Variants in ANKRD26 observed in about 807,000 individuals in gnomAD.
The protein encoded by ANKRD26 is ankyrin repeat domain 26.
ANKRD26 carries 141 observed loss-of-function variants against 208.7 expected under a neutral mutation model. That is an observed-to-expected ratio of 0.68 (90% CI 0.59 to 0.78). The LOEUF is 0.78. Among genes scored for constraint, ANKRD26 ranks in the 30% least tolerant of loss-of-function variants. The pLI is 0.00. For synonymous variants in ANKRD26, 636 were observed against 660.4 expected, an observed-to-expected ratio of 0.96 and a Z score of 0.57; for missense variants, 1,889 against 1,938.7, an observed-to-expected ratio of 0.97 and a Z score of 0.48.
intron 4 of ANKRD26, among the ~76,000 whole-genome samples, chr10:26,996,051 T>C (rs1478397062): frequency 6.6e-6 from 1 of 152,194 alleles, no homozygotes. Context: ...GCACTGTAGA[T>C]GCACAACTGA....
chr10:27,008,926 G>A (rs1185777700), intron 32 of ANKRD26, among the ~76,000 whole-genome samples: 1 of 152,048 alleles, frequency 6.6e-6, no homozygotes, highest in African/African-American at 2.4e-5. Context: ...TGTAACCTCT[G>A]CCTCCTGGGT....
exon 6 of ANKRD26, among the ~76,000 whole-genome samples, chr10:26,975,595 A>G (rs2052214749): frequency 6.6e-6 from 1 of 151,890 alleles, no homozygotes; most frequent in Non-Finnish European, 1.5e-5. Flanking sequence ...TAATCCCAAC[A>G]CTTCGGGAGG....
At chr10:27,022,421 TAAA>T (rs2053520033) in intron 29 of ANKRD26, 134 bp downstream of exon 29, 4 of 639,278 alleles carry the variant, frequency 6.3e-6, no homozygotes, top group Non-Finnish European at 1.0e-5. Flanking sequence ...CTTAAAAGTT[TAAA>T]AAAAGTTTTT....
At position 27,034,765 on chromosome 10, in the gene ANKRD26, T is replaced by C. The variant is rs950159414; in HGVS notation, c.3654+31A>G. 9.4e-6 allele frequency: 14 copies of C among 1,491,382 alleles called. No homozygotes were observed. The Admixed American group carries it at 1.6e-4, about 17-fold the overall frequency. The allele number at this position is 1,491,382 out of a possible 1,614,324, so 92.4% of individuals were successfully genotyped here. A position where few individuals can be genotyped will look rare whatever the true frequency, so the allele number is the denominator to read the frequency against. On this transcript the variant is annotated intron_variant, in intron 24 of 33. Transcript: ENST00000376087. ...TATTTTAAATTTTCTTTCAGGAGGT[T>C]TGAAAAATATTTATCTTTCTTGATA...
chr10:27,051,328 A>G, intron 16 of ANKRD26: 1 of 1,273,716 alleles, frequency 7.9e-7, no homozygotes, highest in Non-Finnish European at 1.0e-6. Context: ...GTACCAGCAG[A>G]AATACTATGC....
chr10:27,012,898 T>C lies in ANKRD26; in HGVS notation c.4937A>G (p.Glu1646Gly), dbSNP rs781421980. The C allele has an allele frequency of 1.2e-6, 2 of 1,613,612 alleles. No homozygotes were observed. The highest frequency in any genetic ancestry group is 1.7e-5 in the Admixed American group (1 of 59,988). ...SNPRASNNSM[E>G]NYLSKMQQEL... ...ATAACTAACCTTGCTCAAGTAGTTC[T>C]CCATGCTATTATTTGAAGCCCGTGG... Residue 1646 changes from glutamate to glycine, a missense_variant, in exon 32 of 34, where the codon GAG becomes GGG. Physicochemically the swap from Glu to Gly is moderately conservative, Grantham distance 98. Transcript: ENST00000376087.
At chr10:26,972,167 G>A (rs577104817), downstream of ANKRD26, among the ~76,000 whole-genome samples, 45 of 151,444 alleles carry the variant, frequency 3.0e-4, no homozygotes, top group Non-Finnish European at 1.9e-4. Context: ...CCCGGGAGGC[G>A]GAGCTTGCAG....
At chr10:27,086,032 G>C (rs1393397088) in intron 5 of ANKRD26, among the ~76,000 whole-genome samples, 1 of 152,006 alleles carries the variant, frequency 6.6e-6, no homozygotes, top group Non-Finnish European at 1.5e-5. Flanking sequence ...GTCAACAGTA[G>C]GCAATTAGTA....
chr10:26,979,442 T>C (rs182038183), intron 5 of ANKRD26, among the ~76,000 whole-genome samples: 154 of 152,224 alleles, frequency 1.0e-3, no homozygotes, highest in Non-Finnish European at 1.9e-3. Flanking sequence ...TGACTGACTG[T>C]TGTATTTAGG....
intron 22 of ANKRD26, 30 bp from the exon 23 acceptor site, chr10:27,037,353 A>G: frequency 6.2e-7 from 1 of 1,612,676 alleles, no homozygotes; most frequent in Non-Finnish European, 8.5e-7. Flanking sequence ...TAGGTCTATT[A>G]GCATTTTGTA....
Position 27,040,038 on chromosome 10 carries a change from A to G in ANKRD26, c.2302T>C (p.Ser768Pro), listed in dbSNP as rs2054178487. ...DKVNVLQREL[S>P]ETKEIKSQLE... is the part of the protein sequence containing the mutation. ...TGTGATTTTATTTCTTTTGTTTCAG[A>G]TAGCTCCCTTTGTAGTACATTAACC... Residue 768 changes from serine to proline, a missense_variant, in exon 21 of 34, where the codon TCT becomes CCT. By Grantham distance (74) the Ser-to-Pro change is moderately conservative. This residue lies in a region of ANKRD26 where 1,272 missense variants were observed against 1,273.8 expected (regional missense o/e 1.00). Coordinates refer to ENST00000376087, the MANE Select transcript of ANKRD26 (RefSeq NM_014915.3). The G allele has an allele frequency of 6.2e-7, 1 of 1,613,750 alleles. No individual in the cohort carries two copies. Among genetic ancestry groups the G allele is most frequent in the Admixed American group, 1.7e-5 (1 of 60,012 alleles).
At chr10:27,032,999 C>CG (rs2053925732) in intron 25 of ANKRD26, among the ~76,000 whole-genome samples, 1 of 150,394 alleles carries the variant, frequency 6.6e-6, no homozygotes, top group South Asian at 2.1e-4. Context: ...GGAGTGAGCC[C>CG]GGGAGGTGGG....
In ANKRD26 at chr10:27,024,561, T is replaced by A. The variant is rs766209898; in HGVS notation, c.3973-2A>T. On this transcript the variant is annotated splice_acceptor_variant, in intron 27 of 33. Transcript: ENST00000376087. LOFTEE classifies it high-confidence loss of function. Reference sequence around the variant, plus strand: ...TAATTGTTCCTTTTCATCTTCAGACTTTGAAACAAAATATTTTCAATTACT... The same window carrying A: ...TAATTGTTCCTTTTCATCTTCAGACATTGAAACAAAATATTTTCAATTACT... The A allele has an allele frequency of 1.6e-5, 24 of 1,467,468 alleles. No homozygotes were observed. The highest frequency in any genetic ancestry group is 2.2e-5 in the Non-Finnish European group (23 of 1,050,728). 90.9% of individuals were successfully genotyped at this position (1,467,468 alleles called of 1,614,324 possible). A position where few individuals can be genotyped will look rare whatever the true frequency, so the allele number is the denominator to read the frequency against.
At chr10:27,093,930 G>T in intron 1 of ANKRD26, 131 bp from the exon 2 acceptor site, 1 of 769,488 alleles carries the variant, frequency 1.3e-6, no homozygotes, top group Non-Finnish European at 2.1e-6. Context: ...TCTCATCTTG[G>T]CTGTGTCCCC....
At chr10:27,058,783 G>A (rs543016940) in intron 15 of ANKRD26, among the ~76,000 whole-genome samples, 114 of 151,768 alleles carry the variant, frequency 7.5e-4, no homozygotes, top group African/African-American at 2.6e-3. Context: ...TCACCATCTT[G>A]GCCAGGATGG....
intron 5 of ANKRD26, among the ~76,000 whole-genome samples, chr10:27,086,289 T>C (rs2056113022): frequency 6.6e-6 from 1 of 152,202 alleles, no homozygotes; most frequent in South Asian, 2.1e-4. Context: ...AAAAATTTCA[T>C]ATAGGAATTT....
At chr10:27,032,814 C>CA (rs1240210826) in intron 25 of ANKRD26, among the ~76,000 whole-genome samples, 1,681 of 135,822 alleles carry the variant, frequency 0.012, 34 homozygotes, top group African/African-American at 0.042. Flanking sequence ...GACTCTGTCT[C>CA]AAAAAAAAAA....
chr10:26,971,380 C>G (rs114551757), downstream of ANKRD26, among the ~76,000 whole-genome samples: 6,579 of 151,066 alleles, frequency 0.044, 259 homozygotes, highest in Admixed American at 0.12. Context: ...GAAACCTTGT[C>G]TCAAAAAAAG....
At chr10:27,050,873 C>A (rs2054631399) in intron 16 of ANKRD26, among the ~76,000 whole-genome samples, 1 of 152,132 alleles carries the variant, frequency 6.6e-6, no homozygotes, top group South Asian at 2.1e-4. Context: ...GATTAAGGAA[C>A]AAAGATTTTG....
Sources: gnomAD v4.1 joint callset for allele counts (sites outside exome capture counted in the v4.1 genomes callset) on GRCh38, gnomAD v4.1.1 for gene constraint, gnomAD v4.1.1 regional missense constraint, MANE v1.5 for transcripts, NCBI Gene and HGNC (gene_info 2026-07-23, HGNC 2026-07-21) for gene names.